Variants in PARD3B observed in about 807,000 individuals in gnomAD.
The protein encoded by PARD3B is par-3 family cell polarity regulator beta.
A neutral mutation model predicts 130.2 loss-of-function variants in PARD3B; 103 were observed. The observed-to-expected ratio is 0.79, with a 90% confidence interval of 0.67 to 0.93. PARD3B has a LOEUF of 0.93. Among genes scored for constraint, PARD3B ranks in the 40% least tolerant of loss-of-function variants. The pLI is 0.00. For missense variants in PARD3B, 1,609 were observed against 1,499.2 expected (o/e 1.07, Z -1.21); for synonymous variants, 583 against 553.2 (o/e 1.05, Z -0.76).
intron 4 of PARD3B, among the ~76,000 whole-genome samples, chr2:205,062,689 AAAAG>A (rs1700129637): frequency 6.6e-6 from 1 of 152,232 alleles, no homozygotes; most frequent in Admixed American, 6.5e-5. Context: ...TGAAAAGAAA[AAAAG>A]AATAAATTAG....
intron 1 of PARD3B, among the ~76,000 whole-genome samples, chr2:204,685,011 T>C (rs2125241135): frequency 6.6e-6 from 1 of 152,264 alleles, no homozygotes; most frequent in South Asian, 2.1e-4. Context: ...AATAGATGCC[T>C]TAAAAAAGTA....
Position 205,458,995 on chromosome 2 carries a change from T to G in PARD3B, c.3044+18323T>G, listed in dbSNP as rs1160189323. 6.6e-6 allele frequency among the ~76,000 whole-genome samples: 1 copy of G among 152,228 alleles called. No individual in the cohort carries two copies. Among genetic ancestry groups the G allele is most frequent in the African/African-American group, 2.4e-5 (1 of 41,450 alleles). On this transcript the variant is annotated intron_variant, in intron 20 of 22. Transcript: ENST00000406610. This position sits in a 1 kb window ranked among gnomAD's most constrained non-coding sequence, Gnocchi z 4.8. Reference sequence around the variant, plus strand: ...CTTTCTGTGATTCTAACTGAGAGTCTGTGTTGTTTACGAGTCCCTTCTTCC... The same window carrying G: ...CTTTCTGTGATTCTAACTGAGAGTCGGTGTTGTTTACGAGTCCCTTCTTCC...
intron 18 of PARD3B, among the ~76,000 whole-genome samples, chr2:205,310,083 C>CTT (rs34247571): frequency 7.6e-4 from 94 of 124,326 alleles, no homozygotes; most frequent in African/African-American, 1.6e-3. Flanking sequence ...AAAATCTACT[C>CTT]TTTTTTTTTT....
chr2:205,605,635 G>A lies in PARD3B; in HGVS notation c.3261-9821G>A, dbSNP rs74463859. ...GCCTGCTCCCTCCTGTAGGATCTCT[G>A]TCCCAGAGGGGCATCGACCTGATGC... On this transcript the variant is annotated intron_variant, in intron 22 of 22. Transcript: ENST00000406610. Among the ~76,000 whole-genome samples, 138 of 152,196 alleles carry A rather than the reference G, an allele frequency of 9.1e-4. 1 individual carries two copies. The East Asian group carries it at 0.023, about 26-fold the overall frequency.
rs3048121 is a variant in PARD3B at position 205,365,549 on chromosome 2, CTTTTT to C, written c.2631-35452_2631-35448del. Reference sequence around the variant, plus strand: ...TCAGGGCCATATCCACCCAACCTTCCTTTTTTTTTTTTTTTTCTAATCTACAGGAA... The same window carrying C: ...TCAGGGCCATATCCACCCAACCTTCCTTTTTTTTTTTCTAATCTACAGGAA... On this transcript the variant is annotated intron_variant, in intron 18 of 22. Coordinates refer to ENST00000406610, the MANE Select transcript of PARD3B (RefSeq NM_001302769.2). 2.9e-4 allele frequency among the ~76,000 whole-genome samples: 33 copies of C among 113,736 alleles called. 1 individual carries two copies. The highest frequency in any genetic ancestry group is 1.1e-3 in the African/African-American group (30 of 26,578). 74.6% of individuals were successfully genotyped at this position (113,736 alleles called of 152,430 possible).
chr2:204,938,411 G>A (rs75892948), intron 2 of PARD3B, among the ~76,000 whole-genome samples: 1,988 of 152,240 alleles, frequency 0.013, 38 homozygotes, highest in African/African-American at 0.045. Context: ...TCCACCCGTA[G>A]GGTTCTTCCA....
chr2:204,659,330 A>G (rs773831211), intron 1 of PARD3B, among the ~76,000 whole-genome samples: 1 of 152,148 alleles, frequency 6.6e-6, no homozygotes, highest in Non-Finnish European at 1.5e-5. Flanking sequence ...TATTTTAGGT[A>G]TCTGGCCCCA....
intron 14 of PARD3B, 56 bp from the exon 15 acceptor site, chr2:205,193,149 A>G: frequency 1.5e-6 from 2 of 1,323,100 alleles, no homozygotes; most frequent in Middle Eastern, 3.6e-4. Flanking sequence ...CTGCTTCCTC[A>G]TTTTTTAAAA....
At chr2:205,203,886 T>G (rs990261136) in intron 15 of PARD3B, among the ~76,000 whole-genome samples, 1 of 152,216 alleles carries the variant, frequency 6.6e-6, no homozygotes, top group Non-Finnish European at 1.5e-5. Context: ...AAGTCTTTGC[T>G]ATTGTGAATA....
At chr2:205,231,706 A>G (rs942544511) in intron 15 of PARD3B, among the ~76,000 whole-genome samples, 3 of 152,134 alleles carry the variant, frequency 2.0e-5, no homozygotes, top group African/African-American at 7.2e-5. Flanking sequence ...TAAAATTAAT[A>G]TCACAGTTTT....
intron 4 of PARD3B, among the ~76,000 whole-genome samples, chr2:205,057,356 T>G (rs1699716838): frequency 1.0e-5 from 1 of 99,004 alleles, no homozygotes; most frequent in Non-Finnish European, 2.3e-5. Context: ...TATACATATA[T>G]ACATGTATAT....
At chr2:204,816,088 T>A (rs1216455597) in intron 2 of PARD3B, among the ~76,000 whole-genome samples, 1 of 152,018 alleles carries the variant, frequency 6.6e-6, no homozygotes, top group Non-Finnish European at 1.5e-5. Flanking sequence ...GTAAGATTTA[T>A]ACTCTCATCT....
chr2:205,345,918 C>G (rs1422034373), intron 18 of PARD3B, among the ~76,000 whole-genome samples: 1 of 83,574 alleles, frequency 1.2e-5, no homozygotes, highest in African/African-American at 2.8e-5. Flanking sequence ...CGCCTGTAAT[C>G]CCAGCACTTT....
rs2038731186 is a variant in PARD3B at position 205,229,630 on chromosome 2, G to A, written c.2141-16148G>A. Among the ~76,000 whole-genome samples the A allele has an allele frequency of 6.6e-6, 1 of 151,990 alleles. No individual in the cohort carries two copies. Among genetic ancestry groups the A allele is most frequent in the South Asian group, 2.1e-4 (1 of 4,820 alleles). ...CAGACCTGAAGGCAGCACAGCACTG[G>A]GTCTCTCCCTAGGCTCACAGTAACC... is the stretch of plus-strand genomic sequence containing the variant. On this transcript the variant is annotated intron_variant, in intron 15 of 22. Coordinates refer to ENST00000406610, the MANE Select transcript of PARD3B (RefSeq NM_001302769.2). This position sits in a 1 kb window ranked among gnomAD's most constrained non-coding sequence, Gnocchi z 5.2.
intron 18 of PARD3B, among the ~76,000 whole-genome samples, chr2:205,338,001 A>G (rs1411367824): frequency 6.6e-6 from 1 of 151,954 alleles, no homozygotes; most frequent in African/African-American, 2.4e-5. Flanking sequence ...TTTTAATACA[A>G]AAATTAGCCG....
At chr2:205,144,958 G>A (rs1446750739) in intron 10 of PARD3B, among the ~76,000 whole-genome samples, 5 of 152,130 alleles carry the variant, frequency 3.3e-5, no homozygotes, top group African/African-American at 2.4e-5. Context: ...GCCTCTTTTC[G>A]AGGCTGTGGT....
chr2:205,553,547 ATCT>A, intron 22 of PARD3B, 144 bp downstream of exon 22: 1 of 684,120 alleles, frequency 1.5e-6, no homozygotes, highest in South Asian at 2.0e-5. Flanking sequence ...CCCTAGTTCC[ATCT>A]TCACAAATGT....
intron 1 of PARD3B, among the ~76,000 whole-genome samples, chr2:204,667,300 G>A (rs1054625854): frequency 3.3e-5 from 5 of 152,080 alleles, no homozygotes; most frequent in Non-Finnish European, 7.4e-5. Flanking sequence ...AATACATGAT[G>A]TTGGCAAATG....
intron 12 of PARD3B, among the ~76,000 whole-genome samples, chr2:205,173,056 A>T (rs953466710): frequency 6.6e-5 from 10 of 152,164 alleles, no homozygotes; most frequent in Non-Finnish European, 1.2e-4. Flanking sequence ...TTAAATGCTC[A>T]TAAAATAATT....
Sources: allele counts gnomAD v4.1 joint callset (sites outside exome capture counted in the v4.1 genomes callset), GRCh38; gene constraint gnomAD v4.1.1; non-coding constraint Gnocchi (gnomAD v3.1); transcripts MANE v1.5; gene names NCBI Gene and HGNC (gene_info 2026-07-23, HGNC 2026-07-21).